GAS7: variants seen among roughly 807,000 people sequenced by gnomAD.
The protein encoded by GAS7 is growth arrest specific 7.
GAS7 carries 28 observed loss-of-function variants against 71.1 expected under a neutral mutation model. That is an observed-to-expected ratio of 0.39 (90% CI 0.29 to 0.54). GAS7 has a LOEUF of 0.54. Among genes scored for constraint, GAS7 ranks in the 20% least tolerant of loss-of-function variants. GAS7 has a pLI of 0.62. For synonymous variants in GAS7, 258 were observed against 245.8 expected (o/e 1.05, Z -0.46); for missense variants, 436 against 627.8 (o/e 0.69, Z 3.27).
chr17:10,193,414 T>C (rs749746657), intron 1 of GAS7, among the ~76,000 whole-genome samples: 61 of 152,302 alleles, frequency 4.0e-4, no homozygotes, highest in Non-Finnish European at 7.3e-4. Context: ...ATGTTCTCCC[T>C]AGCCTTCTGA....
chr17:10,163,878 T>C (rs2074273733), intron 1 of GAS7, among the ~76,000 whole-genome samples: 1 of 152,214 alleles, frequency 6.6e-6, no homozygotes, highest in Non-Finnish European at 1.5e-5. Context: ...CAAAGCACTT[T>C]GCTCATGGAG....
chr17:9,951,566 G>A (rs952963403), intron 5 of GAS7, among the ~76,000 whole-genome samples: 1 of 152,122 alleles, frequency 6.6e-6, no homozygotes, highest in Non-Finnish European at 1.5e-5. Flanking sequence ...AGACCAGCCT[G>A]ACCCACATGG....
chr17:10,134,595 T>C (rs1022507449), intron 1 of GAS7, among the ~76,000 whole-genome samples: 14 of 152,336 alleles, frequency 9.2e-5, no homozygotes, highest in African/African-American at 3.4e-4. Flanking sequence ...CTTTCTCTTA[T>C]CCTGAAATTG....
chr17:9,931,840 T>C (rs781644567), intron 9 of GAS7, among the ~76,000 whole-genome samples: 15 of 152,150 alleles, frequency 9.9e-5, no homozygotes, highest in Non-Finnish European at 1.9e-4. Context: ...ACCCAGCTCT[T>C]TAGAAAGTCC....
intron 1 of GAS7, among the ~76,000 whole-genome samples, chr17:10,166,948 G>A (rs2074298270): frequency 6.6e-6 from 1 of 151,784 alleles, no homozygotes; most frequent in Non-Finnish European, 1.5e-5. Context: ...GCTGATGGGT[G>A]GAGACCCTGC....
chr17:10,027,947 G>A (rs562849125), intron 1 of GAS7, among the ~76,000 whole-genome samples: 2 of 152,298 alleles, frequency 1.3e-5, no homozygotes, highest in East Asian at 3.9e-4. Flanking sequence ...GCAGTGGCAC[G>A]ATCTCGGCTC....
intron 9 of GAS7, among the ~76,000 whole-genome samples, chr17:9,933,325 G>A (rs1439184564): frequency 6.6e-6 from 1 of 152,160 alleles, no homozygotes; most frequent in Non-Finnish European, 1.5e-5. Context: ...GGAAGAGACA[G>A]GACATCCTAC....
chr17:10,141,639 C>G (rs1038719451), intron 1 of GAS7, among the ~76,000 whole-genome samples: 3 of 152,116 alleles, frequency 2.0e-5, no homozygotes, highest in Non-Finnish European at 4.4e-5. Context: ...AAGGCCAAAG[C>G]TCTGGAATCA....
chr17:9,988,331 G>A (rs1483145121), intron 2 of GAS7, among the ~76,000 whole-genome samples: 1 of 152,118 alleles, frequency 6.6e-6, no homozygotes, highest in East Asian at 1.9e-4. Context: ...CCAGAAGCTG[G>A]CTTGCCCCCA....
rs532322154 is a variant in GAS7 at position 9,969,801 on chromosome 17, C to T, written c.386-39G>A. ...GACACGGCTCAGATGCTGTGTGGGC[C>T]ACAGATGGGCACCCCCGCCTTTCGT... On this transcript the variant is annotated intron_variant, in intron 3 of 13. Coordinates refer to ENST00000432992, the MANE Select transcript of GAS7 (RefSeq NM_201433.2). The surrounding 1 kb of genome is among the most constrained non-coding windows in gnomAD (Gnocchi z 5.5). The T allele has an allele frequency of 5.4e-6, 7 of 1,286,482 alleles. No homozygotes were observed. In the East Asian group the frequency reaches 6.9e-5, roughly 13 times the overall value. The allele number at this position is 1,286,482 out of a possible 1,614,324, so 79.7% of individuals were successfully genotyped here.
intron 1 of GAS7, chr17:10,036,612 C>CGG (rs1248849018): frequency 3.4e-6 from 5 of 1,455,504 alleles, no homozygotes; most frequent in Admixed American, 2.6e-5. Context: ...GGCACCCCAG[C>CGG]GGAGGTTCCT....
intron 1 of GAS7, among the ~76,000 whole-genome samples, chr17:10,072,011 G>A (rs546795861): frequency 2.0e-5 from 3 of 151,892 alleles, no homozygotes; most frequent in Non-Finnish European, 2.9e-5. Flanking sequence ...GGACCATACT[G>A]CAGGTGCTAT....
At chr17:10,109,926 C>T (rs1047901813) in intron 1 of GAS7, among the ~76,000 whole-genome samples, 7 of 151,900 alleles carry the variant, frequency 4.6e-5, no homozygotes, top group Non-Finnish European at 8.8e-5. Context: ...TGGTGGTGGG[C>T]GCCTGTAATC....
chr17:10,074,952 C>CAA (rs11444410), intron 1 of GAS7, among the ~76,000 whole-genome samples: 3,798 of 143,934 alleles, frequency 0.026, 151 homozygotes, highest in African/African-American at 0.087. Flanking sequence ...AAAGAAACTA[C>CAA]AAAAAAAAAA....
chr17:10,103,425 G>A lies in GAS7; in HGVS notation c.184-83528C>T, dbSNP rs1230702454. Among the ~76,000 whole-genome samples the A allele has an allele frequency of 6.6e-6, 1 of 152,154 alleles. No homozygotes were observed. The highest frequency in any genetic ancestry group is 1.5e-5 in the Non-Finnish European group (1 of 68,020). ...TGAGAAGCACAGCTCATGCCATCTAGCGACCCTACTCTAGCTGCCCAGTGA... is the reference window on the plus strand; with the variant it reads ...TGAGAAGCACAGCTCATGCCATCTAACGACCCTACTCTAGCTGCCCAGTGA... On this transcript the variant is annotated intron_variant, in intron 1 of 13. Transcript: ENST00000432992. The surrounding 1 kb of genome is among the most constrained non-coding windows in gnomAD (Gnocchi z 5.5).
At chr17:10,149,962 A>G (rs1402985020) in intron 1 of GAS7, among the ~76,000 whole-genome samples, 1 of 152,088 alleles carries the variant, frequency 6.6e-6, no homozygotes, top group Non-Finnish European at 1.5e-5. Flanking sequence ...GATGGGGTGA[A>G]TGGGGAGTGA....
intron 1 of GAS7, among the ~76,000 whole-genome samples, chr17:10,117,654 G>A (rs902554862): frequency 2.0e-5 from 3 of 152,112 alleles, no homozygotes; most frequent in Non-Finnish European, 2.9e-5. Flanking sequence ...TCACTCTGCC[G>A]ACATGGGGCA....
At chr17:9,946,410 C>T (rs1213317894) in intron 6 of GAS7, among the ~76,000 whole-genome samples, 2 of 152,164 alleles carry the variant, frequency 1.3e-5, no homozygotes, top group East Asian at 1.9e-4. Flanking sequence ...ACTCTGTGTT[C>T]GCTAAGTGAT....
At chr17:9,982,749 C>G (rs1438392638) in intron 2 of GAS7, among the ~76,000 whole-genome samples, 2 of 149,460 alleles carry the variant, frequency 1.3e-5, no homozygotes, top group Non-Finnish European at 3.0e-5. Context: ...GCACTCCAGC[C>G]TGGGAGACAG....
Sources: gnomAD v4.1 joint callset for allele counts (sites outside exome capture counted in the v4.1 genomes callset) on GRCh38, gnomAD v4.1.1 for gene constraint, Gnocchi (gnomAD v3.1) non-coding constraint, MANE v1.5 for transcripts, NCBI Gene and HGNC (gene_info 2026-07-23, HGNC 2026-07-21) for gene names.